MS4A6E: variants seen among roughly 807,000 people sequenced by gnomAD.
MS4A6E encodes the protein membrane spanning 4-domains A6E.
A neutral mutation model predicts 13.2 loss-of-function variants in MS4A6E; 8 were observed. That is an observed-to-expected ratio of 0.60 (90% confidence interval 0.35 to 1.09). MS4A6E has a LOEUF of 1.09. Ranked by LOEUF, MS4A6E falls within the 50% of genes least tolerant of loss-of-function variation. The pLI is 0.02. For missense variants in MS4A6E, 177 were observed against 171.1 expected, an observed-to-expected ratio of 1.03 and a Z score of -0.19; for synonymous variants, 72 against 67.6, an observed-to-expected ratio of 1.06 and a Z score of -0.32.
chr11:60,337,618 T>C, intron 2 of MS4A6E, 123 bp from the exon 3 acceptor site: 1 of 1,191,808 alleles, frequency 8.4e-7, no homozygotes, highest in Admixed American at 2.2e-5. Context: ...CAACAAGAAA[T>C]GATCCCTCCG....
At chr11:60,342,166 TGTGTGTGTGTGTGAGAGA>T (rs1367734060), downstream of MS4A6E, among the ~76,000 whole-genome samples, 1 of 31,306 alleles carries the variant, frequency 3.2e-5, no homozygotes, top group Non-Finnish European at 6.3e-5. Context: ...TGTGTGTGTG[TGTGTGTGTGTGTGAGAGA>T]GAGAGAGAGA....
intron 3 of MS4A6E, among the ~76,000 whole-genome samples, chr11:60,338,160 G>A (rs1288822484): frequency 6.6e-6 from 1 of 152,214 alleles, no homozygotes; most frequent in Non-Finnish European, 1.5e-5. Flanking sequence ...TAAGGTTGAT[G>A]ATGAAAAACT....
At chr11:60,339,791 A>G (rs1449462048) in intron 3 of MS4A6E, 75 bp from the exon 4 acceptor site, 9 of 1,290,898 alleles carry the variant, frequency 7.0e-6, no homozygotes, top group Non-Finnish European at 1.0e-5. Context: ...CTTCATCTCT[A>G]TGGTCACCTC....
chr11:60,348,363 G>A (rs1052417165), intron 4 of MS4A6E, among the ~76,000 whole-genome samples: 1 of 152,176 alleles, frequency 6.6e-6, no homozygotes, highest in Admixed American at 6.5e-5. Flanking sequence ...GGTAGAAAGA[G>A]TACAGCTCAT....
At chr11:60,345,343 C>T (rs1390217947), downstream of MS4A6E, among the ~76,000 whole-genome samples, 1 of 152,126 alleles carries the variant, frequency 6.6e-6, no homozygotes, top group Non-Finnish European at 1.5e-5. Context: ...GTAAATATTA[C>T]CTACCTTTAT....
intron 1 of MS4A6E, among the ~76,000 whole-genome samples, chr11:60,328,494 T>A (rs1236939361): frequency 1.3e-5 from 2 of 151,704 alleles, no homozygotes; most frequent in Non-Finnish European, 2.9e-5. Context: ...GTGCTAAGTT[T>A]TTATTGACAG....
At chr11:60,341,741 CAG>C (rs1245561578), downstream of MS4A6E, among the ~76,000 whole-genome samples, 8 of 152,204 alleles carry the variant, frequency 5.3e-5, no homozygotes, top group African/African-American at 1.2e-4. Context: ...TCCTGATACT[CAG>C]AGAGTTTCTC....
downstream of MS4A6E, among the ~76,000 whole-genome samples, chr11:60,342,288 G>A (rs920791953): frequency 5.3e-5 from 8 of 151,818 alleles, no homozygotes; most frequent in African/African-American, 9.7e-5. Context: ...GCCACCTTCC[G>A]CCACAGGAGA....
intron 1 of MS4A6E, among the ~76,000 whole-genome samples, chr11:60,334,333 T>C (rs1160578958): frequency 6.6e-6 from 1 of 152,212 alleles, no homozygotes; most frequent in Non-Finnish European, 1.5e-5. Context: ...CTAGAATCTC[T>C]AGCTATGCTA....
At chr11:60,340,367 A>G (rs1056355560) in intron 4 of MS4A6E, among the ~76,000 whole-genome samples, 3 of 152,180 alleles carry the variant, frequency 2.0e-5, no homozygotes, top group Admixed American at 1.3e-4. Flanking sequence ...AATAGTATTG[A>G]CTTGGTAAAG....
chr11:60,338,097 A>C, intron 3 of MS4A6E, 150 bp downstream of exon 3: 1 of 696,718 alleles, frequency 1.4e-6, no homozygotes, highest in Non-Finnish European at 2.4e-6. Flanking sequence ...GGGGGGCTGC[A>C]TGGATGAGAT....
chr11:60,341,602 C>A (rs1452116165), downstream of MS4A6E, among the ~76,000 whole-genome samples: 1 of 151,610 alleles, frequency 6.6e-6, no homozygotes, highest in Non-Finnish European at 1.5e-5. Context: ...CACACGCACA[C>A]ACACACACAC....
chr11:60,347,696 CCAG>C (rs1449059324), intron 4 of MS4A6E, among the ~76,000 whole-genome samples: 2 of 152,076 alleles, frequency 1.3e-5, no homozygotes, highest in Non-Finnish European at 2.9e-5. Flanking sequence ...TCCTGTGGTC[CCAG>C]CACCTTGTTA....
intron 1 of MS4A6E, among the ~76,000 whole-genome samples, chr11:60,334,278 A>G (rs1447258366): frequency 2.0e-5 from 3 of 152,114 alleles, no homozygotes; most frequent in African/African-American, 7.2e-5. Context: ...AACCTCTTTA[A>G]CTGGGAAATT....
In MS4A6E at chr11:60,336,992, G is replaced by T. The variant is rs190111275; in HGVS notation, c.148-749G>T. On this transcript the variant is annotated intron_variant, in intron 2 of 4. Transcript: ENST00000684409. ...ACAAGCTGGGTCAAGTCTATATTGT[G>T]ACCTCAATTTTCTGACATCCAGTCC... Among the ~76,000 whole-genome samples the T allele has an allele frequency of 4.1e-3, 624 of 152,278 alleles. 4 individuals are homozygous for T. The highest frequency in any genetic ancestry group is 0.014 in the African/African-American group (592 of 41,558).
chr11:60,338,976 G>C (rs918585530), intron 3 of MS4A6E, among the ~76,000 whole-genome samples: 3 of 152,168 alleles, frequency 2.0e-5, no homozygotes, highest in Admixed American at 1.3e-4. Flanking sequence ...TAGTGATAAA[G>C]TATAAATTCA....
In MS4A6E at chr11:60,339,850, A is replaced by C; in HGVS notation, c.355-16A>C. 1 of 1,611,516 alleles carries C rather than the reference A, an allele frequency of 6.2e-7. No individual in the cohort carries two copies. Among genetic ancestry groups the C allele is most frequent in the South Asian group, 1.1e-5 (1 of 91,038 alleles). On this transcript the variant is annotated splice_polypyrimidine_tract_variant and intron_variant, in intron 3 of 4. Transcript: ENST00000684409. Reference sequence around the variant, plus strand: ...CTGACCCAAGCATCACTGATATTTTATTTCTTGACTTTCAGGGAACTCTGT... The same window carrying C: ...CTGACCCAAGCATCACTGATATTTTCTTTCTTGACTTTCAGGGAACTCTGT...
chr11:60,334,542 T>C lies in MS4A6E; in HGVS notation c.-14-340T>C, dbSNP rs116362295. ...ATTTGTCTAAAAAATTCATCAAATA[T>C]ATGGCAATACAGTTGTTGTCAGTAG... is the stretch of plus-strand genomic sequence containing the variant. On this transcript the variant is annotated intron_variant, in intron 1 of 4. Coordinates refer to ENST00000684409, the MANE Select transcript of MS4A6E (RefSeq NM_139249.4). Among the ~76,000 whole-genome samples, 1,219 of 152,280 alleles carry C rather than the reference T, an allele frequency of 8.0e-3. 16 individuals carry two copies. The highest frequency in any genetic ancestry group is 0.028 in the African/African-American group (1,165 of 41,548).
At position 60,336,336 on chromosome 11, in the gene MS4A6E, A is replaced by G. The variant is rs183763124; in HGVS notation, c.147+1294A>G. Reference sequence around the variant, plus strand: ...ACTTAATTTTACTTCAAATATAAGTAGCCCATGTGGCTACTGGCAACCATA... The same window carrying G: ...ACTTAATTTTACTTCAAATATAAGTGGCCCATGTGGCTACTGGCAACCATA... On this transcript the variant is annotated intron_variant, in intron 2 of 4. Transcript: ENST00000684409. 5.2e-3 allele frequency among the ~76,000 whole-genome samples: 796 copies of G among 152,380 alleles called. 7 individuals are homozygous for G. The highest frequency in any genetic ancestry group is 9.5e-3 in the Non-Finnish European group (646 of 68,034).
Sources: gnomAD v4.1 joint callset for allele counts (sites outside exome capture counted in the v4.1 genomes callset) on GRCh38, gnomAD v4.1.1 for gene constraint, MANE v1.5 for transcripts, NCBI Gene and HGNC (gene_info 2026-07-23, HGNC 2026-07-21) for gene names.